The following MTA3 variants were observed in gnomAD, a reference collection of about 807,000 sequenced individuals.
MTA3 encodes metastasis associated 1 family member 3.
In MTA3, 34 loss-of-function variants were observed where a neutral mutation model predicts 83.5. That is an observed-to-expected ratio of 0.41 (90% CI 0.31 to 0.54). The LOEUF (loss-of-function observed/expected upper bound fraction) is 0.54. Among genes scored for constraint, MTA3 ranks in the 20% least tolerant of loss-of-function variants. MTA3 has a pLI of 0.33. For missense variants in MTA3, 761 were observed against 726.4 expected, an observed-to-expected ratio of 1.05 and a Z score of -0.55; for synonymous variants, 303 against 252.7, an observed-to-expected ratio of 1.20 and a Z score of -1.89.
intron 16 of MTA3, among the ~76,000 whole-genome samples, chr2:42,749,350 C>G (rs989768537): frequency 2.0e-5 from 3 of 152,196 alleles, no homozygotes; most frequent in African/African-American, 7.2e-5. Flanking sequence ...GTGGCTCTCA[C>G]TTTGTCTCAC....
chr2:42,625,266 A>C (rs1174493043), intron 4 of MTA3, among the ~76,000 whole-genome samples: 1 of 148,924 alleles, frequency 6.7e-6, no homozygotes, highest in Non-Finnish European at 1.5e-5. Flanking sequence ...TCCTGACCTC[A>C]GGTGATCCAC....
At chr2:42,654,221 C>T (rs1040818347) in intron 6 of MTA3, among the ~76,000 whole-genome samples, 1 of 152,196 alleles carries the variant, frequency 6.6e-6, no homozygotes, top group Admixed American at 6.5e-5. Context: ...GGTCTTTAAC[C>T]TAACAACAGT....
chr2:42,548,853 ATATATAATATATATATATATATAAT>A (rs1676911894), intron 2 of MTA3, among the ~76,000 whole-genome samples: 1 of 27,230 alleles, frequency 3.7e-5, no homozygotes, highest in Admixed American at 7.4e-4. Flanking sequence ...TATAATATAT[ATATATAATATATATATATATATAAT>A]ATATATATAT....
intron 6 of MTA3, among the ~76,000 whole-genome samples, chr2:42,648,221 T>C (rs949495350): frequency 2.0e-5 from 3 of 152,214 alleles, no homozygotes; most frequent in Non-Finnish European, 4.4e-5. Context: ...TTAACCACAC[T>C]TGAAAAACAT....
intron 9 of MTA3, among the ~76,000 whole-genome samples, chr2:42,693,466 C>G (rs1176996783): frequency 6.6e-6 from 1 of 152,176 alleles, no homozygotes; most frequent in African/African-American, 2.4e-5. Context: ...AAAATCCTTC[C>G]TGCTTTTCCT....
intron 8 of MTA3, among the ~76,000 whole-genome samples, chr2:42,665,098 A>G (rs1690110517): frequency 6.6e-6 from 1 of 152,222 alleles, no homozygotes; most frequent in Non-Finnish European, 1.5e-5. Flanking sequence ...GTTTTATACA[A>G]TATACAAAGA....
In MTA3 at chr2:42,500,027, G is replaced by C. The variant is rs535067827; in HGVS notation, c.-141+4773G>C. ...CTCATGCCTGTAATCCCAGCACTTT[G>C]GGAGGCAGAGGCAGGTGGATCATTT... On this transcript the variant is annotated intron_variant, in intron 2 of 17. Transcript: ENST00000405592. Among the ~76,000 whole-genome samples the C allele has an allele frequency of 7.9e-5, 12 of 151,612 alleles. No individual in the cohort carries two copies. In the South Asian group the frequency reaches 8.3e-4, roughly 11 times the overall value.
intron 2 of MTA3, among the ~76,000 whole-genome samples, chr2:42,520,526 A>G (rs948549179): frequency 9.9e-5 from 15 of 151,650 alleles, no homozygotes; most frequent in African/African-American, 3.4e-4. Flanking sequence ...AATCATTTAT[A>G]CCTTTTCCCA....
At chr2:42,548,179 AG>A (rs1366613455) in intron 2 of MTA3, among the ~76,000 whole-genome samples, 1 of 152,122 alleles carries the variant, frequency 6.6e-6, no homozygotes, top group African/African-American at 2.4e-5. Context: ...AAAATATTAA[AG>A]GGGGCCGGGC....
At chr2:42,752,627 T>G (rs1669964102) in intron 16 of MTA3, among the ~76,000 whole-genome samples, 1 of 152,148 alleles carries the variant, frequency 6.6e-6, no homozygotes, top group African/African-American at 2.4e-5. Flanking sequence ...TTCACTCCCC[T>G]CCTACAAGAA....
chr2:42,735,311 C>T (rs923596995), intron 16 of MTA3, among the ~76,000 whole-genome samples: 3 of 152,132 alleles, frequency 2.0e-5, no homozygotes, highest in Non-Finnish European at 2.9e-5. Context: ...TGTAAGGTTT[C>T]CACTAAGAAG....
chr2:42,730,036 A>G (rs558669715), intron 16 of MTA3, among the ~76,000 whole-genome samples: 19 of 152,074 alleles, frequency 1.2e-4, no homozygotes, highest in Non-Finnish European at 2.6e-4. Flanking sequence ...TAGTGTTGTC[A>G]TATAGAAATA....
chr2:42,751,277 TGTCA>T (rs1284037350), intron 16 of MTA3, among the ~76,000 whole-genome samples: 1 of 152,328 alleles, frequency 6.6e-6, no homozygotes, highest in South Asian at 2.1e-4. Context: ...AATAAGTGCC[TGTCA>T]GTCAGGGCGA....
At chr2:42,503,313 G>A (rs545972819) in intron 2 of MTA3, among the ~76,000 whole-genome samples, 10 of 152,164 alleles carry the variant, frequency 6.6e-5, no homozygotes, top group African/African-American at 2.2e-4. Context: ...TAGCACTGAG[G>A]ACGACCAGAG....
intron 3 of MTA3, among the ~76,000 whole-genome samples, chr2:42,580,430 G>C (rs1679491903): frequency 6.6e-6 from 1 of 151,812 alleles, no homozygotes; most frequent in African/African-American, 2.4e-5. Context: ...GGAGTGCAGT[G>C]GTGCCATCTT....
At chr2:42,507,588 CT>C (rs922249270) in intron 2 of MTA3, among the ~76,000 whole-genome samples, 9 of 148,484 alleles carry the variant, frequency 6.1e-5, no homozygotes, top group African/African-American at 1.0e-4. Flanking sequence ...AACCTTTCAT[CT>C]TTTTTTTTAA....
At chr2:42,571,840 G>A (rs1678521098) in intron 2 of MTA3, among the ~76,000 whole-genome samples, 1 of 152,120 alleles carries the variant, frequency 6.6e-6, no homozygotes, top group South Asian at 2.1e-4. Context: ...CCAGCCACTT[G>A]GGAGGCTGAG....
chr2:42,734,371 A>G (rs190774357), intron 16 of MTA3, among the ~76,000 whole-genome samples: 1 of 116,400 alleles, frequency 8.6e-6, no homozygotes, highest in East Asian at 2.6e-4. Flanking sequence ...TTTGGTTTCC[A>G]TTTGCATGGA....
chr2:42,554,563 A>G (rs963452208), intron 2 of MTA3, among the ~76,000 whole-genome samples: 19 of 152,214 alleles, frequency 1.2e-4, no homozygotes, highest in Admixed American at 1.3e-4. Flanking sequence ...GGCCAGGGAT[A>G]GTGACTGCTG....
Sources: gnomAD v4.1 joint callset for allele counts (sites outside exome capture counted in the v4.1 genomes callset) on GRCh38, gnomAD v4.1.1 for gene constraint, MANE v1.5 for transcripts, NCBI Gene and HGNC (gene_info 2026-07-23, HGNC 2026-07-21) for gene names.